The following BAIAP3 variants were observed in gnomAD, a reference collection of about 807,000 sequenced individuals.
BAIAP3 encodes BAI1-associated protein 3.
In BAIAP3, 180 loss-of-function variants were observed where a neutral mutation model predicts 149.7. The ratio of observed to expected loss-of-function variants is 1.20; its 90% CI spans 1.07 to 1.36. BAIAP3 has a LOEUF of 1.36. BAIAP3 is among the 40% of genes most tolerant of loss of function. The pLI is 0.00. For synonymous variants in BAIAP3, 845 were observed against 670.7 expected, an observed-to-expected ratio of 1.26 and a Z score of -4.02; for missense variants, 1,767 against 1,563.4, an observed-to-expected ratio of 1.13 and a Z score of -2.20.
chr16:1,339,692 G>T, intron 5 of BAIAP3, 89 bp downstream of exon 5: 1 of 1,047,172 alleles, frequency 9.5e-7, no homozygotes, highest in East Asian at 2.6e-5. Flanking sequence ...CACCCAAACA[G>T]TATGCAGAAT....
chr16:1,339,409 G>A, intron 4 of BAIAP3, 87 bp from the exon 5 acceptor site: 1 of 1,483,336 alleles, frequency 6.7e-7, no homozygotes, highest in Non-Finnish European at 9.2e-7. Context: ...AGGCAGAGGT[G>A]GGGCCTGGGC....
In BAIAP3 at chr16:1,338,973, G is replaced by A. The variant is rs755022889; in HGVS notation, c.203G>A (p.Gly68Asp). The A allele has an allele frequency of 6.2e-7, 1 of 1,612,888 alleles. No homozygotes were observed. The highest frequency in any genetic ancestry group is 1.1e-5 in the South Asian group (1 of 91,078). ...CTGAAGAAGGGGGAAGGCAGACAGG[G>A]CTTGCCGTGCCTCGAGGTAAGGGTG... Reference protein sequence around the residue: ...LMLKKGEGRQGLPCLEVPLRS... With the variant: ...LMLKKGEGRQDLPCLEVPLRS... The change falls in exon 3 of 34, where the codon GGC becomes GAC. Residue 68 changes from glycine (G) to aspartate (D), a missense_variant. Transcript: ENST00000426824.
In BAIAP3 at chr16:1,347,993, C is replaced by T. The variant is rs1415396578; in HGVS notation, c.3125C>T (p.Pro1042Leu). ...CAGGTGAAGACCCGGACGCTGCACC[C>T]TGTATACGACGAACTCTTCTACTTG... ...RTQVKTRTLH[P>L]VYDELFYFSV... The change falls in exon 32 of 34, where the codon CCT becomes CTT. Residue 1042 changes from proline (P) to leucine (L), a missense_variant. By Grantham distance (98) the Pro-to-Leu change is moderately conservative (BLOSUM62 -3). Coordinates refer to ENST00000426824, the MANE Select transcript of BAIAP3 (RefSeq NM_001199097.2). The T allele has an allele frequency of 4.3e-6, 7 of 1,610,328 alleles. No homozygotes were observed. In the Admixed American group the frequency reaches 1.0e-4, roughly 23 times the overall value.
At chr16:1,340,382 CACA>C in intron 5 of BAIAP3, among the ~76,000 whole-genome samples, 1 of 139,086 alleles carries the variant, frequency 7.2e-6, no homozygotes, top group Non-Finnish European at 1.6e-5. Flanking sequence ...CAGACACGCA[CACA>C]GGTTGCAGGT....
intron 28 of BAIAP3, 111 bp from the exon 29 acceptor site, chr16:1,347,187 C>T (rs1383229196): frequency 1.4e-5 from 17 of 1,172,502 alleles, no homozygotes; most frequent in Non-Finnish European, 2.0e-5. Context: ...GGGCTCTGCC[C>T]TTGGCTGCTG....
intron 14 of BAIAP3, 41 bp downstream of exon 14, chr16:1,343,057 G>A: frequency 6.4e-7 from 1 of 1,573,372 alleles, no homozygotes; most frequent in African/African-American, 1.3e-5. Context: ...AATGTGGGCG[G>A]GCGTGAGCGA....
chr16:1,344,341 G>C (rs773405715), intron 17 of BAIAP3, 24 bp downstream of exon 17: 1 of 1,613,392 alleles, frequency 6.2e-7, no homozygotes, highest in South Asian at 1.1e-5. Context: ...CCCAGTGGAG[G>C]CCGGCTGCTA....
intron 1 of BAIAP3, chr16:1,334,736 A>C (rs1596555079): frequency 6.4e-7 from 1 of 1,552,822 alleles, no homozygotes; most frequent in Non-Finnish European, 8.7e-7. Context: ...TCGGCTTCGC[A>C]GGGGCCATCT....
rs762130508 is a variant in BAIAP3, at chr16:1,344,807, T to C, written c.1767T>C (p.Asn589=). 2.5e-6 allele frequency: 4 copies of C among 1,613,808 alleles called. No individual in the cohort carries two copies. The highest frequency in any genetic ancestry group is 2.2e-5 in the South Asian group (2 of 91,078). The change falls in exon 20 of 34, where the codon AAT becomes AAC. Residue 589 remains asparagine (N), a synonymous_variant. Transcript: ENST00000426824. ...GTCCCTTGCTCTGCAGCATCCTCAA[T>C]GTGGACGTCTTCACCCTGACCTTCC... ...VYASLFHSIL[N]VDVFTLTFRQ... is the part of the protein sequence containing the mutation.
At chr16:1,334,845 G>T (rs926865918) in intron 1 of BAIAP3, 5 of 1,297,644 alleles carry the variant, frequency 3.9e-6, no homozygotes, top group Non-Finnish European at 5.4e-6. Context: ...AGGGAAGCTG[G>T]AGAGAAGACC....
At chr16:1,345,705 C>T (rs1240032703) in intron 22 of BAIAP3, 42 bp from the exon 23 acceptor site, 29 of 1,394,164 alleles carry the variant, frequency 2.1e-5, no homozygotes, top group Non-Finnish European at 2.7e-5. Context: ...TCCCCAGCCT[C>T]CCCTGCCTCC....
At chr16:1,338,775 A>C (rs2033649353) in intron 2 of BAIAP3, 95 bp downstream of exon 2, 1 of 1,574,112 alleles carries the variant, frequency 6.4e-7, no homozygotes, top group African/African-American at 1.4e-5. Context: ...CCTGGGCGGG[A>C]AGGAGGGTCT....
At position 1,346,205 on chromosome 16, in the gene BAIAP3, C is replaced by G; in HGVS notation, c.2337C>G (p.Arg779=). 1 of 1,612,288 alleles carries G rather than the reference C, an allele frequency of 6.2e-7. No individual in the cohort carries two copies. Among genetic ancestry groups the G allele is most frequent in the Non-Finnish European group, 8.5e-7 (1 of 1,179,864 alleles). The change falls in exon 25 of 34, where the codon CGC becomes CGG. Residue 779 remains arginine, a synonymous_variant. Coordinates refer to ENST00000426824, the MANE Select transcript of BAIAP3 (RefSeq NM_001199097.2). ...TCCTCAACAATGTGGAGCTCGTGCG[C>G]AAGGCTGCTGGGCAGGCCTTGAAGG... The part of the protein sequence containing the change: ...CVVLNNVELV[R]KAAGQALKGL...
chr16:1,338,218 G>A (rs1228532071), intron 1 of BAIAP3, among the ~76,000 whole-genome samples: 3 of 152,096 alleles, frequency 2.0e-5, no homozygotes, highest in African/African-American at 7.2e-5. Flanking sequence ...TGTGGCAACC[G>A]CCTCCCTCGC....
chr16:1,346,177 T>G lies in BAIAP3; in HGVS notation c.2309T>G (p.Val770Gly), dbSNP rs1435147595. The change falls in exon 25 of 34, where the codon GTG (valine) becomes GGG (glycine). Residue 770 changes from valine to glycine, a missense_variant. Physicochemically the swap from Val to Gly is moderately radical, Grantham distance 109. Coordinates refer to ENST00000426824, the MANE Select transcript of BAIAP3 (RefSeq NM_001199097.2). ...TGGCCACACCTCCTCCAGCTCTGCG[T>G]GGTCCTCAACAATGTGGAGCTCGTG... is the stretch of plus-strand genomic sequence containing the variant. ...AGEAVSEALC[V>G]VLNNVELVRK... 6.2e-7 allele frequency: 1 copy of G among 1,611,348 alleles called. No homozygotes were observed. Among genetic ancestry groups the G allele is most frequent in the East Asian group, 2.2e-5 (1 of 44,848 alleles).
Position 1,338,599 on chromosome 16 carries a change from T to G in BAIAP3, c.50T>G (p.Val17Gly). 6.2e-7 allele frequency: 1 copy of G among 1,608,542 alleles called. No individual in the cohort carries two copies. The highest frequency in any genetic ancestry group is 1.1e-5 in the South Asian group (1 of 90,332). ...IKSSVLRQVQ[V>G]CPSFRRRTEQ... ...AGCAGCGTGCTCAGGCAGGTGCAGG[T>G]GTGCCCGTCCTTCCGCCGCAGGACT... Residue 17 changes from valine to glycine, a missense_variant, in exon 2 of 34, where the codon GTG becomes GGG. Coordinates refer to ENST00000426824, the MANE Select transcript of BAIAP3 (RefSeq NM_001199097.2).
At position 1,342,910 on chromosome 16, in the gene BAIAP3, C is replaced by G. The variant is rs568795397; in HGVS notation, c.1162-3C>G. The G allele has an allele frequency of 4.3e-6, 7 of 1,612,308 alleles. No individual in the cohort carries two copies. Among genetic ancestry groups the G allele is most frequent in the Middle Eastern group, 1.7e-4 (1 of 5,996 alleles). On this transcript the variant is annotated splice_region_variant and splice_polypyrimidine_tract_variant and intron_variant, in intron 13 of 33. Transcript: ENST00000426824. Reference sequence around the variant, plus strand: ...TCCACCCACGACAGACCTCCTCCCCCAGCCCAACTCCAGCAGCTGGCGAGG... The same window carrying G: ...TCCACCCACGACAGACCTCCTCCCCGAGCCCAACTCCAGCAGCTGGCGAGG...
chr16:1,343,374 C>A lies in BAIAP3; in HGVS notation c.1266-19C>A. 6.3e-7 allele frequency: 1 copy of A among 1,575,578 alleles called. No individual in the cohort carries two copies. On this transcript the variant is annotated intron_variant, in intron 14 of 33. Coordinates refer to ENST00000426824, the MANE Select transcript of BAIAP3 (RefSeq NM_001199097.2). ...AGGGGCGGGGTTCATACCCTTTGAC[C>A]ATGGGCCGGGCCCCACAGGCACTGG... is the stretch of plus-strand genomic sequence containing the variant.
At chr16:1,343,326 AGGC>A in intron 14 of BAIAP3, 64 bp from the exon 15 acceptor site, 2 of 1,545,462 alleles carry the variant, frequency 1.3e-6, no homozygotes, top group Non-Finnish European at 1.7e-6. Context: ...GTAGTGCTGT[AGGC>A]GGTGCTGAGT....
Sources: allele counts gnomAD v4.1 joint callset (sites outside exome capture counted in the v4.1 genomes callset), GRCh38; gene constraint gnomAD v4.1.1; transcripts MANE v1.5; gene names NCBI Gene and HGNC (gene_info 2026-07-23, HGNC 2026-07-21).